OR3A3: variants seen among roughly 807,000 people sequenced by gnomAD.
OR3A3 encodes the protein olfactory receptor 3A3.
For missense variants in OR3A3, 275 were observed against 391.4 expected, an observed-to-expected ratio of 0.70 and a Z score of 2.51; for synonymous variants, 103 against 163.9, an observed-to-expected ratio of 0.63 and a Z score of 2.84.
intron 2 of OR3A3, among the ~76,000 whole-genome samples, chr17:3,413,850 A>C (rs897599008): frequency 1.3e-5 from 2 of 149,672 alleles, no homozygotes; most frequent in African/African-American, 4.9e-5. Flanking sequence ...AAAAACAAAA[A>C]AAAAAAACTT....
exon 3 of OR3A3, chr17:3,423,416 T>G (rs1325696192): frequency 2.0e-5 from 3 of 152,290 alleles, no homozygotes; most frequent in African/African-American, 7.2e-5. Context: ...GTGTTCCACC[T>G]GTCCTCCAAC....
chr17:3,413,748 G>A (rs897489655), intron 2 of OR3A3, among the ~76,000 whole-genome samples: 4 of 151,690 alleles, frequency 2.6e-5, no homozygotes, highest in Non-Finnish European at 5.9e-5. Context: ...GGGAGGTGGA[G>A]GTTGCAGTGA....
chr17:3,414,444 A>G lies in OR3A3; in HGVS notation c.-7+2273A>G, dbSNP rs543390303. On this transcript the variant is annotated intron_variant, in intron 2 of 2. Coordinates refer to ENST00000641141, the Ensembl canonical transcript of OR3A3. ...GACTCACTGCAGTACATTTTCATAGAGCATCAGCGAGGAATGAATGCCCGG... is the reference window on the plus strand; with the variant it reads ...GACTCACTGCAGTACATTTTCATAGGGCATCAGCGAGGAATGAATGCCCGG... Among the ~76,000 whole-genome samples the G allele has an allele frequency of 5.3e-5, 8 of 152,282 alleles. No homozygotes were observed. The South Asian group carries it at 1.7e-3, about 32-fold the overall frequency.
chr17:3,420,468 G>A, intron 2 of OR3A3, 112 bp from the exon 3 acceptor site: 2 of 1,523,306 alleles, frequency 1.3e-6, no homozygotes. Flanking sequence ...AGGTGTTGGA[G>A]GAGTGAGGGA....
intron 2 of OR3A3, among the ~76,000 whole-genome samples, chr17:3,419,926 C>T (rs2072417731): frequency 6.6e-6 from 1 of 151,792 alleles, no homozygotes; most frequent in Non-Finnish European, 1.5e-5. Flanking sequence ...CCACCAAGCC[C>T]GGCTGATTTT....
intron 2 of OR3A3, among the ~76,000 whole-genome samples, chr17:3,415,797 A>AAAT (rs148194818): frequency 1.5e-5 from 1 of 68,048 alleles, no homozygotes; most frequent in Non-Finnish European, 3.4e-5. Context: ...ACTTATTTTT[A>AAAT]AATTATTATT....
chr17:3,417,118 G>C (rs1199155056), intron 2 of OR3A3, among the ~76,000 whole-genome samples: 1 of 151,712 alleles, frequency 6.6e-6, no homozygotes, highest in African/African-American at 2.4e-5. Context: ...CTCACGATTA[G>C]ATCACTTAGT....
At chr17:3,418,447 A>G (rs1232967185) in intron 2 of OR3A3, among the ~76,000 whole-genome samples, 2 of 152,196 alleles carry the variant, frequency 1.3e-5, no homozygotes, top group Non-Finnish European at 1.5e-5. Flanking sequence ...TCTTGCTTTT[A>G]CAGTCTCACC....
At chr17:3,413,848 A>C (rs1466771979) in intron 2 of OR3A3, among the ~76,000 whole-genome samples, 1 of 151,342 alleles carries the variant, frequency 6.6e-6, no homozygotes, top group South Asian at 2.1e-4. Context: ...CAAAAAACAA[A>C]AAAAAAAAAC....
chr17:3,419,846 G>C lies in OR3A3; in HGVS notation c.-6-734G>C, dbSNP rs542911444. Reference sequence around the variant, plus strand: ...CCTCCTGGGTTCACACCATTCTCCCGCCTCAGCCTCCCAGGTTCACGCCAT... The same window carrying C: ...CCTCCTGGGTTCACACCATTCTCCCCCCTCAGCCTCCCAGGTTCACGCCAT... On this transcript the variant is annotated intron_variant, in intron 2 of 2. Transcript: ENST00000641141. Among the ~76,000 whole-genome samples, 136 of 145,818 alleles carry C rather than the reference G, an allele frequency of 9.3e-4. 1 individual carries two copies. Among genetic ancestry groups the C allele is most frequent in the African/African-American group, 2.7e-3 (107 of 39,710 alleles).
chr17:3,415,911 C>T (rs2072388761), intron 2 of OR3A3, among the ~76,000 whole-genome samples: 1 of 150,706 alleles, frequency 6.6e-6, no homozygotes, highest in African/African-American at 2.4e-5. Context: ...TAGGTTTAAG[C>T]AATTCTCATG....
At chr17:3,418,942 T>C (rs904815421) in intron 2 of OR3A3, among the ~76,000 whole-genome samples, 2 of 152,194 alleles carry the variant, frequency 1.3e-5, no homozygotes, top group Non-Finnish European at 2.9e-5. Flanking sequence ...CATTGGTCAA[T>C]CTACCATGCC....
At chr17:3,420,013 T>C (rs9889681) in intron 2 of OR3A3, among the ~76,000 whole-genome samples, 105,844 of 151,970 alleles carry the variant, frequency 0.7, 37,264 homozygotes, top group Non-Finnish European at 0.73. Flanking sequence ...GTGATCCGCC[T>C]GCCTTGGCCT....
chr17:3,419,729 CTTTTTTTTTTTT>C (rs564569456), intron 2 of OR3A3, among the ~76,000 whole-genome samples: 1 of 98,906 alleles, frequency 1.0e-5, no homozygotes, highest in Non-Finnish European at 2.2e-5. Context: ...AAAATTCTAT[CTTTTTTTTTTTT>C]TTTTTTTTTT....
chr17:3,423,121 T>G (rs1008199231), exon 3 of OR3A3: 1 of 152,214 alleles, frequency 6.6e-6, no homozygotes, highest in Non-Finnish European at 1.5e-5. Context: ...CACTGCTCTG[T>G]GATCTTAGAA....
chr17:3,421,901 G>A lies in OR3A3; in HGVS notation c.*368G>A, dbSNP rs7209699. On this transcript the variant is annotated 3_prime_UTR_variant, in exon 3 of 3. Transcript: ENST00000641141. ...CTGGTAAGACAGGAAGACATGAAGTGAGCTTCTGCCAACCAGGCCTCCTGG... is the reference window on the plus strand; with the variant it reads ...CTGGTAAGACAGGAAGACATGAAGTAAGCTTCTGCCAACCAGGCCTCCTGG... The A allele has an allele frequency of 2.5e-3, 406 of 160,032 alleles. 2 individuals carry two copies. Among genetic ancestry groups the A allele is most frequent in the African/African-American group, 9.4e-3 (391 of 41,680 alleles). 9.9% of individuals were successfully genotyped at this position (160,032 alleles called of 1,614,324 possible).
intron 2 of OR3A3, among the ~76,000 whole-genome samples, chr17:3,416,115 T>C (rs1372688730): frequency 6.6e-6 from 1 of 151,978 alleles, no homozygotes; most frequent in African/African-American, 2.4e-5. Context: ...CCTGGCCTAC[T>C]TAGTTTTATT....
At chr17:3,415,300 C>T (rs545571297) in intron 2 of OR3A3, among the ~76,000 whole-genome samples, 4 of 151,764 alleles carry the variant, frequency 2.6e-5, no homozygotes, top group South Asian at 4.2e-4. Flanking sequence ...GTGGCTCACA[C>T]GTGTAATCCC....
chr17:3,414,347 A>G (rs754507154), intron 2 of OR3A3, among the ~76,000 whole-genome samples: 13 of 152,210 alleles, frequency 8.5e-5, no homozygotes, highest in Non-Finnish European at 1.6e-4. Context: ...CTGGGATGAC[A>G]GGCGTGAGCC....
Sources: gnomAD v4.1 joint callset for allele counts (sites outside exome capture counted in the v4.1 genomes callset) on GRCh38, gnomAD v4.1.1 for gene constraint, MANE v1.5 for transcripts, NCBI Gene and HGNC (gene_info 2026-07-23, HGNC 2026-07-21) for gene names.